Variants in MAP2 observed in about 807,000 individuals in gnomAD.
MAP2 encodes microtubule associated protein 2.
A neutral mutation model predicts 137.6 loss-of-function variants in MAP2; 14 were observed. That is an observed-to-expected ratio of 0.10 (90% CI 0.07 to 0.16). The LOEUF (loss-of-function observed/expected upper bound fraction) is 0.16, where lower values mean the gene tolerates loss of function less well. MAP2 is among the 10% of genes least tolerant of loss of function. The pLI, the probability that MAP2 is intolerant of heterozygous loss-of-function variation, is 1.00. For missense variants in MAP2, 2,088 were observed against 2,191.5 expected (o/e 0.95, Z 0.94); for synonymous variants, 786 against 782.3 (o/e 1.00, Z -0.08).
At chr2:209,648,621 C>CAAAAAAAA (rs1228232293) in intron 4 of MAP2, among the ~76,000 whole-genome samples, 8 of 51,012 alleles carry the variant, frequency 1.6e-4, no homozygotes, top group African/African-American at 2.8e-4. Context: ...ACTAAAAATA[C>CAAAAAAAA]AAAAAAAAAA....
chr2:209,621,559 G>C (rs1217026412), intron 3 of MAP2, among the ~76,000 whole-genome samples: 1 of 151,968 alleles, frequency 6.6e-6, no homozygotes, highest in Non-Finnish European at 1.5e-5. Context: ...ACGCCCGACT[G>C]ATGTTTTGCT....
At chr2:209,720,772 A>G (rs1005024509) in intron 13 of MAP2, among the ~76,000 whole-genome samples, 8 of 152,080 alleles carry the variant, frequency 5.3e-5, no homozygotes, top group African/African-American at 1.9e-4. Flanking sequence ...TTTTTCGTTA[A>G]ATAGTAGTTA....
chr2:209,718,186 T>A (rs762614462), intron 13 of MAP2, among the ~76,000 whole-genome samples: 2 of 152,138 alleles, frequency 1.3e-5, no homozygotes, highest in Admixed American at 1.3e-4. Context: ...TACTAATTTT[T>A]AAAAATTATG....
chr2:209,447,372 A>T (rs1699319997), intron 1 of MAP2, among the ~76,000 whole-genome samples: 1 of 151,862 alleles, frequency 6.6e-6, no homozygotes, highest in African/African-American at 2.4e-5. Context: ...CTTCTAAACT[A>T]CCTGTTGTGG....
chr2:209,426,153 A>G (rs922314038), intron 1 of MAP2, among the ~76,000 whole-genome samples: 3 of 152,208 alleles, frequency 2.0e-5, no homozygotes, highest in Non-Finnish European at 4.4e-5. Flanking sequence ...TCAGTGGTAC[A>G]TGCTGTTTAT....
chr2:209,675,156 T>G (rs1164557276), intron 5 of MAP2, among the ~76,000 whole-genome samples: 1 of 151,844 alleles, frequency 6.6e-6, no homozygotes, highest in African/African-American at 2.4e-5. Flanking sequence ...AGCCAATAAC[T>G]TTGACTATGC....
chr2:209,615,728 C>T (rs1185244326), intron 3 of MAP2, among the ~76,000 whole-genome samples: 2 of 152,168 alleles, frequency 1.3e-5, no homozygotes, highest in African/African-American at 4.8e-5. Context: ...AGCCTGAAAG[C>T]CAAGCTACAT....
chr2:209,688,834 A>G lies in MAP2; in HGVS notation c.455-3791A>G, dbSNP rs190133928. On this transcript the variant is annotated intron_variant, in intron 7 of 15. Coordinates refer to ENST00000682079, the MANE Select transcript of MAP2 (RefSeq NM_001375505.1). ...GAAAGCAGATAGTTCTAAAGCAATAAGGAATAAGCTTACAGCTCACCAACT... is the reference window on the plus strand; with the variant it reads ...GAAAGCAGATAGTTCTAAAGCAATAGGGAATAAGCTTACAGCTCACCAACT... 5.6e-4 allele frequency among the ~76,000 whole-genome samples: 85 copies of G among 152,360 alleles called. 2 individuals are homozygous for G. The East Asian group carries it at 5.8e-3, about 10-fold the overall frequency.
chr2:209,559,936 G>C (rs571184661), intron 2 of MAP2, among the ~76,000 whole-genome samples: 1 of 152,144 alleles, frequency 6.6e-6, no homozygotes, highest in East Asian at 1.9e-4. Flanking sequence ...GAGAGTACTT[G>C]GTGAAATATA....
At chr2:209,537,445 T>G (rs1553578703) in intron 2 of MAP2, among the ~76,000 whole-genome samples, 1 of 152,144 alleles carries the variant, frequency 6.6e-6, no homozygotes, top group Non-Finnish European at 1.5e-5. Flanking sequence ...TGAGACTACA[T>G]TTAGGTAAAA....
chr2:209,710,088 T>C lies in MAP2; in HGVS notation c.4907T>C (p.Ile1636Thr), dbSNP rs2064932891. The change falls in exon 13 of 16, where the codon ATC becomes ACC. Residue 1636 changes from isoleucine (I) to threonine (T), a missense_variant. Physicochemically the swap from Ile to Thr is moderately conservative, Grantham distance 89. This residue lies in a region of MAP2 where 591 missense variants were observed against 642.6 expected (regional missense o/e 0.92). Transcript: ENST00000682079. ...PHTPGTPKSA[I>T]LVPSEKKVAI... ...ACACCAGGAACCCCCAAGTCTGCCA[T>C]CTTGGTGCCGAGTGAGAAGAAGGTC... is the stretch of plus-strand genomic sequence containing the variant. 6.2e-7 allele frequency: 1 copy of C among 1,613,970 alleles called. No individual in the cohort carries two copies. Among genetic ancestry groups the C allele is most frequent in the South Asian group, 1.1e-5 (1 of 91,070 alleles).
At chr2:209,624,066 A>G (rs1221826150) in intron 3 of MAP2, among the ~76,000 whole-genome samples, 1 of 152,194 alleles carries the variant, frequency 6.6e-6, no homozygotes, top group Non-Finnish European at 1.5e-5. Context: ...ATATCCATAT[A>G]CACATTGGTC....
chr2:209,436,000 T>C (rs1559159536), intron 1 of MAP2, among the ~76,000 whole-genome samples: 1 of 69,412 alleles, frequency 1.4e-5, no homozygotes, highest in African/African-American at 2.6e-4. Context: ...TTATATACTA[T>C]ATATACAGTA....
At chr2:209,566,058 G>A (rs2073342256) in intron 2 of MAP2, among the ~76,000 whole-genome samples, 1 of 152,130 alleles carries the variant, frequency 6.6e-6, no homozygotes, top group African/African-American at 2.4e-5. Context: ...AGCGACTGCT[G>A]ACTATGCACC....
At position 209,705,672 on chromosome 2, in the gene MAP2, T is replaced by A. The variant is rs371482707; in HGVS notation, c.4677T>A (p.Asp1559Glu). The change falls in exon 12 of 16, where the codon GAT becomes GAA. Residue 1559 changes from aspartate to glutamate, a missense_variant. Transcript: ENST00000682079. ...GGCGAGGTGTGTCAGGAGACAGAGA[T>A]GAGAATTCCTTCTCTCTCAACAGTT... ...PPRRGVSGDR[D>E]ENSFSLNSSI... is the part of the protein sequence containing the mutation. 1 of 1,613,004 alleles carries A rather than the reference T, an allele frequency of 6.2e-7. No homozygotes were observed. The highest frequency in any genetic ancestry group is 8.5e-7 in the Non-Finnish European group (1 of 1,179,136).
intron 2 of MAP2, among the ~76,000 whole-genome samples, chr2:209,546,828 T>C (rs2068170763): frequency 6.6e-6 from 1 of 152,230 alleles, no homozygotes; most frequent in Non-Finnish European, 1.5e-5. Context: ...TAACTGTAAC[T>C]ATTTCTCTTT....
chr2:209,444,090 T>TGAA (rs903902916), intron 1 of MAP2, among the ~76,000 whole-genome samples: 35 of 151,766 alleles, frequency 2.3e-4, no homozygotes, highest in African/African-American at 7.9e-4. Context: ...TCTGTATGCT[T>TGAA]GAAATCTATA....
At chr2:209,712,867 A>T (rs1242878706) in intron 13 of MAP2, among the ~76,000 whole-genome samples, 1 of 152,200 alleles carries the variant, frequency 6.6e-6, no homozygotes, top group Non-Finnish European at 1.5e-5. Flanking sequence ...GCATCTATAC[A>T]TGCATACCGT....
At chr2:209,443,112 T>A (rs1307240574) in intron 1 of MAP2, among the ~76,000 whole-genome samples, 2 of 151,570 alleles carry the variant, frequency 1.3e-5, no homozygotes, top group African/African-American at 4.8e-5. Context: ...GCATGCTATC[T>A]CTTCAATCTT....
Sources: gnomAD v4.1 joint callset for allele counts (sites outside exome capture counted in the v4.1 genomes callset) on GRCh38, gnomAD v4.1.1 for gene constraint, gnomAD v4.1.1 regional missense constraint, MANE v1.5 for transcripts, NCBI Gene and HGNC (gene_info 2026-07-23, HGNC 2026-07-21) for gene names.